CNNM2: variants seen among roughly 807,000 people sequenced by gnomAD.
The protein encoded by CNNM2 is metal transporter CNNM2.
In CNNM2, 12 loss-of-function variants were observed where a neutral mutation model predicts 66.9. The ratio of observed to expected loss-of-function variants is 0.18; its 90% confidence interval spans 0.11 to 0.29. The LOEUF is 0.29. Among genes scored for constraint, CNNM2 ranks in the 10% least tolerant of loss-of-function variants. The pLI, the probability that CNNM2 is intolerant of heterozygous loss-of-function variation, is 1.00. For missense variants in CNNM2, 705 were observed against 1,167.7 expected (o/e 0.60, Z 5.77); for synonymous variants, 557 against 501.8 (o/e 1.11, Z -1.47).
Position 103,086,725 on chromosome 10 carries a change from G to A in CNNM2, c.*9545G>A, listed in dbSNP as rs758321724. The A allele has an allele frequency of 6.6e-6, 1 of 152,206 alleles. No individual in the cohort carries two copies. Among genetic ancestry groups the A allele is most frequent in the Non-Finnish European group, 1.5e-5 (1 of 68,038 alleles). 9.4% of individuals were successfully genotyped at this position (152,206 alleles called of 1,614,324 possible). ...AAAAACGACTTCTAAAAGTATCTTA[G>A]GGTAGCTTGAAGGGTTTGCGTTATT... is the stretch of plus-strand genomic sequence containing the variant. On this transcript the variant is annotated 3_prime_UTR_variant, in exon 8 of 8. Transcript: ENST00000369878.
chr10:102,951,268 C>G (rs928898080), intron 1 of CNNM2, among the ~76,000 whole-genome samples: 3 of 152,026 alleles, frequency 2.0e-5, no homozygotes, highest in African/African-American at 7.2e-5. Flanking sequence ...GCAGTCTTGG[C>G]TTACTGCAAC....
intron 1 of CNNM2, among the ~76,000 whole-genome samples, chr10:103,038,470 A>G (rs930505568): frequency 3.3e-5 from 5 of 152,106 alleles, no homozygotes; most frequent in East Asian, 3.8e-4. Flanking sequence ...AGTGAGTGCT[A>G]CCTCCCTACT....
intron 6 of CNNM2, among the ~76,000 whole-genome samples, chr10:103,074,886 G>T (rs1395568392): frequency 6.6e-6 from 1 of 152,196 alleles, no homozygotes; most frequent in Non-Finnish European, 1.5e-5. Context: ...GATTCTTGGA[G>T]TACTTATGTT....
At chr10:102,996,745 A>C (rs1486079347) in intron 1 of CNNM2, among the ~76,000 whole-genome samples, 1 of 152,244 alleles carries the variant, frequency 6.6e-6, no homozygotes. Flanking sequence ...ATTTATTTGC[A>C]TTATCATAAT....
rs1339834070 is a variant in CNNM2 at position 103,076,897 on chromosome 10, G to A, written c.2419-74G>A. 8.9e-6 allele frequency: 12 copies of A among 1,347,720 alleles called. No homozygotes were observed. The Admixed American group carries it at 2.0e-4, about 23-fold the overall frequency. 83.5% of individuals were successfully genotyped at this position (1,347,720 alleles called of 1,614,324 possible). On this transcript the variant is annotated intron_variant, in intron 7 of 7. Transcript: ENST00000369878. ...AGGCTGCTGTGGGCCTGTCGGGATT[G>A]AACGTGTGGAGATCAGAGAACCTAA...
At chr10:102,988,141 A>C in intron 1 of CNNM2, among the ~76,000 whole-genome samples, 1 of 152,136 alleles carries the variant, frequency 6.6e-6, no homozygotes. Context: ...TCTATTAAAA[A>C]TACAAAAAAA....
chr10:102,986,797 G>GT (rs2063806317), intron 1 of CNNM2, among the ~76,000 whole-genome samples: 1 of 114,506 alleles, frequency 8.7e-6, no homozygotes, highest in African/African-American at 3.3e-5. Context: ...AAAAAAAAAA[G>GT]TTTTTATCCT....
chr10:102,927,379 C>T (rs1284946436), intron 1 of CNNM2: 3 of 1,613,806 alleles, frequency 1.9e-6, no homozygotes, highest in African/African-American at 1.3e-5. Flanking sequence ...CATACCAACA[C>T]TGAAAAGAAG....
intron 1 of CNNM2, among the ~76,000 whole-genome samples, chr10:102,971,491 C>T (rs552847865): frequency 2.5e-4 from 38 of 152,118 alleles, no homozygotes; most frequent in African/African-American, 8.4e-4. Context: ...TCTTACTTGT[C>T]GCCATTATTA....
rs1036826069 is a variant in CNNM2, at chr10:102,973,521, T to G, written c.1621+53420T>G. ...AATTTTCTGTGTGTGTGTGTGTGTT[T>G]TTTTTTTTTTTGGTAGAGACAAGGT... On this transcript the variant is annotated intron_variant, in intron 1 of 7. Transcript: ENST00000369878. Among the ~76,000 whole-genome samples the G allele has an allele frequency of 1.2e-4, 18 of 151,066 alleles. No homozygotes were observed. The East Asian group carries it at 1.4e-3, about 11-fold the overall frequency.
intron 1 of CNNM2, among the ~76,000 whole-genome samples, chr10:103,040,953 C>G (rs2065029732): frequency 6.6e-6 from 1 of 152,160 alleles, no homozygotes; most frequent in Admixed American, 6.5e-5. Flanking sequence ...TTCTCTTATT[C>G]TGAAGTTGTG....
In CNNM2 at chr10:102,920,004, T is replaced by C; in HGVS notation, c.1524T>C (p.Cys508=). The change falls in exon 1 of 8, where the codon TGT becomes TGC. Residue 508 remains cysteine (C), a synonymous_variant. Coordinates refer to ENST00000369878, the MANE Select transcript of CNNM2 (RefSeq NM_017649.5). ...KDLAFVDPDD[C]TPLKTITKFY... ...TGGCCTTCGTGGATCCCGATGACTG[T>C]ACCCCCCTGAAAACCATCACCAAAT... The C allele has an allele frequency of 6.2e-7, 1 of 1,614,248 alleles. No individual in the cohort carries two copies. The highest frequency in any genetic ancestry group is 1.6e-4 in the Middle Eastern group (1 of 6,062).
chr10:103,051,247 A>G (rs1396155103), intron 2 of CNNM2, among the ~76,000 whole-genome samples: 1 of 152,178 alleles, frequency 6.6e-6, no homozygotes, highest in Non-Finnish European at 1.5e-5. Flanking sequence ...CCTGGCCAAC[A>G]TGGTGAAACT....
intron 1 of CNNM2, among the ~76,000 whole-genome samples, chr10:103,026,314 T>C (rs997646784): frequency 6.6e-6 from 1 of 152,098 alleles, no homozygotes; most frequent in African/African-American, 2.4e-5. Flanking sequence ...TAAATATTTT[T>C]GGAGGCTGGG....
intron 1 of CNNM2, among the ~76,000 whole-genome samples, chr10:102,962,862 A>G (rs577582084): frequency 6.6e-6 from 1 of 152,346 alleles, no homozygotes; most frequent in African/African-American, 2.4e-5. Flanking sequence ...AATCAGAAAG[A>G]AGTGAATAAA....
rs116050154 is a variant in CNNM2, at chr10:103,089,254, G to A, written c.*12074G>A. On this transcript the variant is annotated 3_prime_UTR_variant, in exon 8 of 8. Coordinates refer to ENST00000369878, the MANE Select transcript of CNNM2 (RefSeq NM_017649.5). Reference sequence around the variant, plus strand: ...GATATACAATACCATGTAATGCACTGGAAAAGTTGGACCTTGGAGTAATAG... The same window carrying A: ...GATATACAATACCATGTAATGCACTAGAAAAGTTGGACCTTGGAGTAATAG... 4.4e-3 allele frequency: 974 copies of A among 223,072 alleles called. 16 individuals carry two copies. The highest frequency in any genetic ancestry group is 0.021 in the African/African-American group (930 of 44,808). The allele number at this position is 223,072 out of a possible 1,614,324, so 13.8% of individuals were successfully genotyped here.
intron 1 of CNNM2, among the ~76,000 whole-genome samples, chr10:103,030,434 G>A (rs1019309582): frequency 6.6e-6 from 1 of 152,182 alleles, no homozygotes; most frequent in African/African-American, 2.4e-5. Context: ...ATCAATATTG[G>A]CTGGACATGG....
chr10:102,953,027 G>A (rs188444981), intron 1 of CNNM2, among the ~76,000 whole-genome samples: 1 of 152,234 alleles, frequency 6.6e-6, no homozygotes, highest in Non-Finnish European at 1.5e-5. Flanking sequence ...GGCATTTGTT[G>A]AACTACTTAA....
chr10:103,068,436 C>G, intron 4 of CNNM2, 193 bp from the exon 5 acceptor site: 1 of 589,506 alleles, frequency 1.7e-6, no homozygotes, highest in Non-Finnish European at 3.1e-6. Flanking sequence ...GTATAATCAG[C>G]CAAATCCAGT....
Sources: gnomAD v4.1 joint callset for allele counts (sites outside exome capture counted in the v4.1 genomes callset) on GRCh38, gnomAD v4.1.1 for gene constraint, MANE v1.5 for transcripts, NCBI Gene and HGNC (gene_info 2026-07-23, HGNC 2026-07-21) for gene names.